Variants in PDE7B observed in about 807,000 individuals in gnomAD.
The protein encoded by PDE7B is phosphodiesterase 7B.
PDE7B carries 29 observed loss-of-function variants against 56.2 expected under a neutral mutation model. The ratio of observed to expected loss-of-function variants is 0.52; its 90% confidence interval spans 0.38 to 0.70. The LOEUF is 0.70. Ranked by LOEUF, PDE7B falls within the 30% of genes least tolerant of loss-of-function variation. The pLI is 0.00. For synonymous variants in PDE7B, 197 were observed against 196.9 expected (o/e 1.00, Z 0.00); for missense variants, 490 against 565.0 (o/e 0.87, Z 1.35).
intron 2 of PDE7B, among the ~76,000 whole-genome samples, chr6:135,963,836 T>G (rs1335960189): frequency 1.3e-5 from 2 of 152,186 alleles, no homozygotes; most frequent in African/African-American, 4.8e-5. Flanking sequence ...TGAAGGGGGC[T>G]ACCTCTGCTT....
chr6:136,063,426 TC>T (rs1776877488), intron 2 of PDE7B, among the ~76,000 whole-genome samples: 1 of 152,224 alleles, frequency 6.6e-6, no homozygotes, highest in Non-Finnish European at 1.5e-5. Context: ...ATTTTTCCCA[TC>T]CGTATCCTTC....
intron 2 of PDE7B, among the ~76,000 whole-genome samples, chr6:135,949,929 A>C (rs1333765394): frequency 1.3e-5 from 2 of 152,168 alleles, no homozygotes; most frequent in Non-Finnish European, 2.9e-5. Context: ...TGAGGAGCTT[A>C]TATTTAAGAC....
chr6:136,076,950 GTC>G (rs1777136442), intron 2 of PDE7B, among the ~76,000 whole-genome samples: 1 of 152,128 alleles, frequency 6.6e-6, no homozygotes, highest in Admixed American at 6.5e-5. Flanking sequence ...TGAACAAAAT[GTC>G]TCTCTCGACC....
chr6:136,176,579 TAAC>T (rs967822298), intron 9 of PDE7B, among the ~76,000 whole-genome samples: 6 of 152,258 alleles, frequency 3.9e-5, no homozygotes, highest in African/African-American at 1.2e-4. Context: ...TTATTGTAAA[TAAC>T]AATAGAATAC....
At chr6:135,901,098 C>T (rs1210038403) in intron 1 of PDE7B, among the ~76,000 whole-genome samples, 1 of 152,166 alleles carries the variant, frequency 6.6e-6, no homozygotes, top group Admixed American at 6.6e-5. Flanking sequence ...GCAACCGCTG[C>T]TAAGGTTTTT....
chr6:135,920,210 G>A (rs981102838), intron 1 of PDE7B, among the ~76,000 whole-genome samples: 14 of 152,066 alleles, frequency 9.2e-5, no homozygotes, highest in Admixed American at 3.3e-4. Context: ...AGATCATAAT[G>A]CATTTCTATA....
At position 135,972,054 on chromosome 6, in the gene PDE7B, G is replaced by A. The variant is rs117685100; in HGVS notation, c.82+24530G>A. Among the ~76,000 whole-genome samples, 950 of 152,022 alleles carry A rather than the reference G, an allele frequency of 6.2e-3. 5 individuals are homozygous for A. The highest frequency in any genetic ancestry group is 9.2e-3 in the Non-Finnish European group (627 of 67,940). On this transcript the variant is annotated intron_variant, in intron 2 of 12. Transcript: ENST00000308191. ...GTTCAAGACCAGCCTTACCAACATG[G>A]AGCTACCCCATCTCTACTGAAAATA...
intron 2 of PDE7B, among the ~76,000 whole-genome samples, chr6:136,031,149 G>A (rs561506962): frequency 6.6e-6 from 1 of 152,232 alleles, no homozygotes; most frequent in Non-Finnish European, 1.5e-5. Context: ...GAAAGACTGG[G>A]ATGGTTGCTG....
rs1407577015 is a variant in PDE7B, at chr6:136,193,395, T to C, written c.*1555T>C. On this transcript the variant is annotated 3_prime_UTR_variant, in exon 13 of 13. Transcript: ENST00000308191. Reference sequence around the variant, plus strand: ...AAGTAAAGAAAATATTTCAGTTTTATAACAGACTTTACCTTCCTGGCAGGT... The same window carrying C: ...AAGTAAAGAAAATATTTCAGTTTTACAACAGACTTTACCTTCCTGGCAGGT... 2 of 152,172 alleles carry C rather than the reference T, an allele frequency of 1.3e-5. No individual in the cohort carries two copies. Among genetic ancestry groups the C allele is most frequent in the African/African-American group, 4.9e-5 (2 of 40,986 alleles). The allele number at this position is 152,172 out of a possible 1,614,324, so 9.4% of individuals were successfully genotyped here.
At chr6:136,010,906 G>A (rs559654545) in intron 2 of PDE7B, among the ~76,000 whole-genome samples, 5 of 152,106 alleles carry the variant, frequency 3.3e-5, no homozygotes, top group Admixed American at 6.5e-5. Context: ...GCTGCACCGG[G>A]TGCTCCCAGA....
chr6:136,006,389 A>C (rs1450614360), intron 2 of PDE7B, among the ~76,000 whole-genome samples: 1 of 151,972 alleles, frequency 6.6e-6, no homozygotes, highest in African/African-American at 2.4e-5. Flanking sequence ...TGTCTTGGCT[A>C]TCTGGGCTCT....
intron 2 of PDE7B, among the ~76,000 whole-genome samples, chr6:136,087,403 A>C (rs1366671918): frequency 6.6e-6 from 1 of 152,100 alleles, no homozygotes; most frequent in Non-Finnish European, 1.5e-5. Context: ...ATATATCCCT[A>C]AGAAACTTTT....
At chr6:136,104,352 A>G (rs935404306) in intron 2 of PDE7B, among the ~76,000 whole-genome samples, 2 of 152,174 alleles carry the variant, frequency 1.3e-5, no homozygotes, top group Non-Finnish European at 2.9e-5. Context: ...TTAAACAAGG[A>G]CTCAATGAAT....
chr6:136,136,205 G>C (rs1778209543), intron 3 of PDE7B, among the ~76,000 whole-genome samples: 1 of 152,014 alleles, frequency 6.6e-6, no homozygotes, highest in South Asian at 2.1e-4. Flanking sequence ...CTAATTAACA[G>C]TTTCTCCTGT....
At chr6:136,132,895 T>C (rs1328323446) in intron 3 of PDE7B, among the ~76,000 whole-genome samples, 6 of 152,154 alleles carry the variant, frequency 3.9e-5, no homozygotes, top group African/African-American at 1.4e-4. Flanking sequence ...AATACAGACA[T>C]GATTAGTCCT....
chr6:135,889,294 A>C (rs1032795703), intron 1 of PDE7B, among the ~76,000 whole-genome samples: 6 of 151,826 alleles, frequency 4.0e-5, no homozygotes, highest in African/African-American at 1.5e-4. Flanking sequence ...CACCATGTCC[A>C]GCTGTCTCCA....
chr6:136,011,691 C>A (rs912178571), intron 2 of PDE7B, among the ~76,000 whole-genome samples: 1 of 152,136 alleles, frequency 6.6e-6, no homozygotes, highest in African/African-American at 2.4e-5. Context: ...AGTGCCTGAA[C>A]TAACATGGGG....
At chr6:135,962,403 A>C (rs1018839601) in intron 2 of PDE7B, among the ~76,000 whole-genome samples, 1 of 152,156 alleles carries the variant, frequency 6.6e-6, no homozygotes, top group African/African-American at 2.4e-5. Context: ...AATTGAGTTG[A>C]ATGCGAGAAT....
intron 1 of PDE7B, among the ~76,000 whole-genome samples, chr6:135,876,830 G>A (rs1331370007): frequency 6.6e-6 from 1 of 151,750 alleles, no homozygotes; most frequent in Non-Finnish European, 1.5e-5. Context: ...CTGCGCTCCA[G>A]CCTGGGTGAC....
Sources: allele counts gnomAD v4.1 joint callset (sites outside exome capture counted in the v4.1 genomes callset), GRCh38; gene constraint gnomAD v4.1.1; transcripts MANE v1.5; gene names NCBI Gene and HGNC (gene_info 2026-07-23, HGNC 2026-07-21).